ANK3: variants seen among roughly 807,000 people sequenced by gnomAD.
ANK3 encodes ankyrin 3, also known as ankyrin-3.
In ANK3, 57 loss-of-function variants were observed where a neutral mutation model predicts 370.9. That is an observed-to-expected ratio of 0.15 (90% confidence interval 0.12 to 0.19). ANK3 has a LOEUF of 0.19. ANK3 is among the 10% of genes least tolerant of loss of function. The pLI, the probability that ANK3 is intolerant of heterozygous loss-of-function variation, is 1.00. For synonymous variants in ANK3, 1,929 were observed against 1,946.3 expected (o/e 0.99, Z 0.23); for missense variants, 4,439 against 5,302.1 (o/e 0.84, Z 5.06).
chr10:60,607,191 C>T (rs1247748793), intron 2 of ANK3, among the ~76,000 whole-genome samples: 1 of 152,144 alleles, frequency 6.6e-6, no homozygotes, highest in East Asian at 1.9e-4. Flanking sequence ...CATATTTGCT[C>T]AGTGATGGCC....
rs1267431254 is a variant in ANK3, at chr10:60,208,025, G to T, written c.1194+11C>A. 1.2e-6 allele frequency: 2 copies of T among 1,611,876 alleles called. No homozygotes were observed. The highest frequency in any genetic ancestry group is 8.5e-7 in the Non-Finnish European group (1 of 1,178,858). Reference sequence around the variant, plus strand: ...ACAACTGAGGCTGGACTCGCTGGTTGAGCCACTCACCAGGGCTTTGGCATT... The same window carrying T: ...ACAACTGAGGCTGGACTCGCTGGTTTAGCCACTCACCAGGGCTTTGGCATT... On this transcript the variant is annotated intron_variant, in intron 10 of 43. Coordinates refer to ENST00000280772, the MANE Select transcript of ANK3 (RefSeq NM_020987.5).
At chr10:60,441,996 T>C (rs913304839) in intron 2 of ANK3, among the ~76,000 whole-genome samples, 2 of 152,094 alleles carry the variant, frequency 1.3e-5, no homozygotes, top group African/African-American at 4.8e-5. Context: ...ACGAGATTGG[T>C]TTCAGGACCC....
intron 2 of ANK3, among the ~76,000 whole-genome samples, chr10:60,451,113 G>C (rs1334308051): frequency 6.6e-6 from 1 of 152,144 alleles, no homozygotes; most frequent in Non-Finnish European, 1.5e-5. Flanking sequence ...GCAGAGACTG[G>C]AGTGATGCAT....
At chr10:60,672,697 A>C (rs1468494108) in intron 1 of ANK3, among the ~76,000 whole-genome samples, 6 of 152,206 alleles carry the variant, frequency 3.9e-5, no homozygotes, top group African/African-American at 1.4e-4. Context: ...CTAGTAAATT[A>C]ATCAAACCCA....
In ANK3 at chr10:60,088,271, C is replaced by T. The variant is rs2087205316; in HGVS notation, c.3416G>A (p.Arg1139Gln). ...DFPQYFAVVSRIKQESNQIGP... is the reference protein window; with the variant it reads ...DFPQYFAVVSQIKQESNQIGP... ...AATCTGGTTGCTTTCCTGCTTAATC[C>T]GGGAAACCACTGCAAAATACTGGGG... Residue 1139 changes from arginine (R) to glutamine (Q), a missense_variant, in exon 29 of 44, where the codon CGG becomes CAG. Arg to Gln is a conservative substitution (Grantham distance 43, BLOSUM62 1). Around this residue, in one of 13 missense-constraint regions of ANK3, gnomAD observed 702 missense variants for 941.5 expected, o/e 0.75. Coordinates refer to ENST00000280772, the MANE Select transcript of ANK3 (RefSeq NM_020987.5). The T allele has an allele frequency of 6.2e-7, 1 of 1,614,160 alleles. No individual in the cohort carries two copies. The highest frequency in any genetic ancestry group is 8.5e-7 in the Non-Finnish European group (1 of 1,180,026).
chr10:60,217,457 C>T (rs960251452), intron 8 of ANK3, among the ~76,000 whole-genome samples: 8 of 152,084 alleles, frequency 5.3e-5, no homozygotes, highest in African/African-American at 1.9e-4. Flanking sequence ...GGTACATCGT[C>T]TCTCTGTTCT....
At chr10:60,693,112 T>C (rs1027512424) in intron 1 of ANK3, among the ~76,000 whole-genome samples, 1 of 152,022 alleles carries the variant, frequency 6.6e-6, no homozygotes, top group Non-Finnish European at 1.5e-5. Context: ...GGTCAGGGAG[T>C]TCCCTTTCCT....
At chr10:60,309,849 C>A (rs2045947609) in intron 1 of ANK3, among the ~76,000 whole-genome samples, 1 of 151,556 alleles carries the variant, frequency 6.6e-6, no homozygotes, top group Non-Finnish European at 1.5e-5. Context: ...CAGAATCAAG[C>A]ATTTAGCAGT....
intron 1 of ANK3, among the ~76,000 whole-genome samples, chr10:60,728,510 G>C (rs1452013720): frequency 6.6e-6 from 1 of 152,200 alleles, no homozygotes; most frequent in Non-Finnish European, 1.5e-5. Context: ...GAGGGAAAAA[G>C]TGTTTCCTAG....
intron 42 of ANK3, among the ~76,000 whole-genome samples, chr10:60,047,505 A>C (rs977548238): frequency 6.6e-6 from 1 of 152,214 alleles, no homozygotes; most frequent in Admixed American, 6.5e-5. Flanking sequence ...CGAAACCTAC[A>C]TATTTTACAC....
intron 2 of ANK3, among the ~76,000 whole-genome samples, chr10:60,497,479 T>G (rs1310780903): frequency 6.6e-6 from 1 of 152,196 alleles, no homozygotes; most frequent in Admixed American, 6.5e-5. Context: ...ATTCACACTT[T>G]GTACTTCAGA....
At chr10:60,268,784 A>G (rs1157825104) in intron 5 of ANK3, among the ~76,000 whole-genome samples, 1 of 152,148 alleles carries the variant, frequency 6.6e-6, no homozygotes, top group African/African-American at 2.4e-5. Flanking sequence ...GTATTGTAGG[A>G]AAGTTCTGGT....
At chr10:60,312,605 C>A (rs78935304) in intron 1 of ANK3, among the ~76,000 whole-genome samples, 1 of 152,102 alleles carries the variant, frequency 6.6e-6, no homozygotes, top group Non-Finnish European at 1.5e-5. Context: ...CAGTGGGACC[C>A]AATTTTCCTG....
At chr10:60,695,576 T>C (rs1188009578) in intron 1 of ANK3, among the ~76,000 whole-genome samples, 1 of 152,148 alleles carries the variant, frequency 6.6e-6, no homozygotes, top group Non-Finnish European at 1.5e-5. Context: ...GCAATCAAAC[T>C]AGAACTCAGG....
At chr10:60,038,852 C>T (rs2075601629) in intron 43 of ANK3, among the ~76,000 whole-genome samples, 1 of 152,164 alleles carries the variant, frequency 6.6e-6, no homozygotes, top group Admixed American at 6.5e-5. Flanking sequence ...TAGGCCTTTT[C>T]CCACCTCAGG....
intron 2 of ANK3, among the ~76,000 whole-genome samples, chr10:60,441,187 C>T (rs1210603467): frequency 6.6e-6 from 1 of 152,144 alleles, no homozygotes; most frequent in Non-Finnish European, 1.5e-5. Context: ...TAATATCATT[C>T]CTCTTGCATC....
At chr10:60,524,939 C>T (rs941958238) in intron 2 of ANK3, among the ~76,000 whole-genome samples, 4 of 152,084 alleles carry the variant, frequency 2.6e-5, no homozygotes, top group Non-Finnish European at 5.9e-5. Context: ...ATACCCTAAG[C>T]TGAATCAATA....
chr10:60,259,280 A>G (rs2097773598), intron 7 of ANK3, among the ~76,000 whole-genome samples: 1 of 152,146 alleles, frequency 6.6e-6, no homozygotes, highest in Admixed American at 6.5e-5. Flanking sequence ...GTCATCAATC[A>G]CCCACTGCAG....
chr10:60,589,267 G>T (rs2077877186), intron 2 of ANK3, among the ~76,000 whole-genome samples: 1 of 152,060 alleles, frequency 6.6e-6, no homozygotes, highest in South Asian at 2.1e-4. Flanking sequence ...CTAGACTAAA[G>T]GTTACATGGA....
Sources: allele counts gnomAD v4.1 joint callset (sites outside exome capture counted in the v4.1 genomes callset), GRCh38; gene constraint gnomAD v4.1.1; regional missense constraint gnomAD v4.1.1; transcripts MANE v1.5; gene names NCBI Gene and HGNC (gene_info 2026-07-23, HGNC 2026-07-21).